BPTF: variants seen among roughly 807,000 people sequenced by gnomAD.
BPTF encodes bromodomain PHD finger transcription factor, also known as nucleosome-remodeling factor subunit BPTF.
In BPTF, 18 loss-of-function variants were observed where a neutral mutation model predicts 292.5. That is an observed-to-expected ratio of 0.06 (90% CI 0.04 to 0.09). The LOEUF (loss-of-function observed/expected upper bound fraction) is 0.09. Among genes scored for constraint, BPTF ranks in the 10% least tolerant of loss-of-function variants. The probability of loss-of-function intolerance (pLI) is 1.00; values close to 1 mark genes in which losing one functional copy is unlikely to be tolerated. For synonymous variants in BPTF, 1,225 were observed against 1,251.9 expected (o/e 0.98, Z 0.45); for missense variants, 2,726 against 3,498.7 (o/e 0.78, Z 5.57).
chr17:67,826,128 A>T lies in BPTF; in HGVS notation c.404A>T (p.Glu135Val). The change falls in exon 1 of 28, where the codon GAG becomes GTG. Residue 135 changes from glutamate to valine, a missense_variant. Glu to Val is a moderately radical substitution (Grantham distance 121, BLOSUM62 -2). Transcript: ENST00000306378. The stretch of plus-strand genomic sequence containing the variant: ...GATGACCACGAGAGCGAGGAGGAGG[A>T]GGAAGAGGAGGACATGGTCTCCGAG... ...VYDDHESEEE[E>V]EEEDMVSEEE... 1.4e-6 allele frequency: 2 copies of T among 1,426,090 alleles called. No individual in the cohort carries two copies. Among genetic ancestry groups the T allele is most frequent in the Non-Finnish European group, 2.0e-6 (2 of 1,014,566 alleles). 88.3% of individuals were successfully genotyped at this position (1,426,090 alleles called of 1,614,324 possible). A position where few individuals can be genotyped will look rare whatever the true frequency, so the allele number is the denominator to read the frequency against.
At chr17:67,919,162 ACT>A (rs1446799411) in intron 12 of BPTF, among the ~76,000 whole-genome samples, 3 of 144,098 alleles carry the variant, frequency 2.1e-5, no homozygotes, top group African/African-American at 7.6e-5. Flanking sequence ...ACAGAGTGAG[ACT>A]CTGTCTCAAA....
intron 26 of BPTF, among the ~76,000 whole-genome samples, chr17:67,971,949 C>T (rs1186574824): frequency 6.6e-6 from 1 of 151,750 alleles, no homozygotes; most frequent in African/African-American, 2.4e-5. Context: ...TATTATCACT[C>T]TTTTGAGGGG....
intron 4 of BPTF, 27 bp downstream of exon 4, chr17:67,875,047 A>G (rs2059971413): frequency 1.9e-6 from 3 of 1,567,482 alleles, no homozygotes. Flanking sequence ...ATTAAAAAGA[A>G]ATATTTCATT....
At chr17:67,893,004 G>A (rs981781538) in intron 5 of BPTF, among the ~76,000 whole-genome samples, 2 of 151,988 alleles carry the variant, frequency 1.3e-5, no homozygotes, top group East Asian at 3.9e-4. Context: ...TAGTACATGC[G>A]ATGCCCTTCT....
chr17:67,832,816 C>T (rs1353257920), intron 1 of BPTF, among the ~76,000 whole-genome samples: 3 of 121,550 alleles, frequency 2.5e-5, no homozygotes, highest in Non-Finnish European at 4.8e-5. Context: ...GAGGCAGAGT[C>T]TCGCTCTGTC....
intron 1 of BPTF, among the ~76,000 whole-genome samples, chr17:67,836,322 A>G (rs548947475): frequency 1.3e-5 from 2 of 152,334 alleles, no homozygotes; most frequent in East Asian, 1.9e-4. Context: ...GGCAATGTTC[A>G]GTAGGTGCAG....
intron 11 of BPTF, among the ~76,000 whole-genome samples, chr17:67,917,446 T>G (rs2063117314): frequency 6.6e-6 from 1 of 152,060 alleles, no homozygotes; most frequent in South Asian, 2.1e-4. Context: ...TTCTAATATT[T>G]TACTATTCAT....
intron 2 of BPTF, among the ~76,000 whole-genome samples, chr17:67,863,891 CAAA>C (rs1050383785): frequency 2.0e-5 from 3 of 152,160 alleles, no homozygotes; most frequent in African/African-American, 4.8e-5. Flanking sequence ...AGGTAAAAGT[CAAA>C]GAAGCTTTAA....
chr17:67,977,859 C>CT (rs1224005594), intron 27 of BPTF: 133 of 140,668 alleles, frequency 9.5e-4, no homozygotes, highest in Middle Eastern at 3.7e-3. Context: ...AAAAAAGTAT[C>CT]TTTTTTTTTT....
In BPTF at chr17:67,912,270, A is replaced by G; in HGVS notation, c.4386A>G (p.Ile1462Met). The part of the protein sequence containing the change: ...IKSLTVKESA[I>M]RPFINGDVIM... ...CATTGACTGTTAAAGAATCTGCTATAAGGCCATTCATTAATGGTGATGTCA... is the reference window on the plus strand; with the variant it reads ...CATTGACTGTTAAAGAATCTGCTATGAGGCCATTCATTAATGGTGATGTCA... The change falls in exon 11 of 28, where the codon ATA becomes ATG. Residue 1462 changes from isoleucine to methionine, a missense_variant. By Grantham distance (10) the Ile-to-Met change is conservative (BLOSUM62 1). Around this residue, in one of 22 missense-constraint regions of BPTF, gnomAD observed 713 missense variants for 714.9 expected, o/e 1.00. Transcript: ENST00000306378. 6.2e-7 allele frequency: 1 copy of G among 1,613,478 alleles called. No individual in the cohort carries two copies. The highest frequency in any genetic ancestry group is 1.1e-5 in the South Asian group (1 of 90,988).
intron 7 of BPTF, among the ~76,000 whole-genome samples, chr17:67,901,304 TAA>T (rs68104231): frequency 7.8e-5 from 11 of 141,198 alleles, no homozygotes; most frequent in Admixed American, 2.1e-4. Flanking sequence ...GAAGAATTGT[TAA>T]AAAAAAAAAA....
At chr17:67,900,386 T>G (rs1031206067) in intron 7 of BPTF, among the ~76,000 whole-genome samples, 1 of 151,850 alleles carries the variant, frequency 6.6e-6, no homozygotes, top group African/African-American at 2.4e-5. Flanking sequence ...ATTACAGGCG[T>G]TAGCCACCGC....
intron 18 of BPTF, among the ~76,000 whole-genome samples, chr17:67,938,396 A>C (rs949452530): frequency 6.6e-6 from 1 of 152,238 alleles, no homozygotes; most frequent in Non-Finnish European, 1.5e-5. Context: ...CTTTCAGTTC[A>C]TCTTGAGTAA....
intron 1 of BPTF, among the ~76,000 whole-genome samples, chr17:67,836,104 T>G (rs192011073): frequency 6.6e-5 from 10 of 152,366 alleles, no homozygotes; most frequent in African/African-American, 2.4e-4. Context: ...AAAGCTGATA[T>G]GCAAACTGAA....
chr17:67,925,051 GTT>G (rs59056539), intron 15 of BPTF, among the ~76,000 whole-genome samples: 2,160 of 126,062 alleles, frequency 0.017, 58 homozygotes, highest in African/African-American at 0.055. Flanking sequence ...ACCCATCCAG[GTT>G]TTTTTTTTTT....
intron 18 of BPTF, among the ~76,000 whole-genome samples, chr17:67,932,988 A>G (rs1042358954): frequency 6.6e-6 from 1 of 152,158 alleles, no homozygotes; most frequent in African/African-American, 2.4e-5. Context: ...GCAGTTGCTC[A>G]TGCCTGTAAT....
intron 25 of BPTF, among the ~76,000 whole-genome samples, chr17:67,964,788 C>T (rs1244027473): frequency 1.3e-5 from 2 of 150,756 alleles, no homozygotes; most frequent in Admixed American, 6.7e-5. Context: ...ATCACAAGGT[C>T]AGGAGATCAG....
chr17:67,978,586 C>T (rs2069871951), intron 27 of BPTF, among the ~76,000 whole-genome samples: 1 of 152,028 alleles, frequency 6.6e-6, no homozygotes, highest in African/African-American at 2.4e-5. Flanking sequence ...TGTGAGCCAC[C>T]GTGCCCGGCC....
At chr17:67,885,918 A>G (rs56127116) in intron 4 of BPTF, among the ~76,000 whole-genome samples, 59 of 152,224 alleles carry the variant, frequency 3.9e-4, no homozygotes, top group African/African-American at 1.3e-3. Flanking sequence ...CACCCCCCCA[A>G]AAAAAGTCAG....
Sources: allele counts gnomAD v4.1 joint callset (sites outside exome capture counted in the v4.1 genomes callset), GRCh38; gene constraint gnomAD v4.1.1; regional missense constraint gnomAD v4.1.1; transcripts MANE v1.5; gene names NCBI Gene and HGNC (gene_info 2026-07-23, HGNC 2026-07-21).